The following PRPF40B variants were observed in gnomAD, a reference collection of about 807,000 sequenced individuals.
The protein encoded by PRPF40B is pre-mRNA processing factor 40B, also known as pre-mRNA-processing factor 40 homolog B.
PRPF40B carries 56 observed loss-of-function variants against 124.5 expected under a neutral mutation model. That is an observed-to-expected ratio of 0.45 (90% CI 0.36 to 0.56). The LOEUF is 0.56. PRPF40B is among the 20% of genes least tolerant of loss of function. The probability of loss-of-function intolerance (pLI) is 0.00; values close to 1 mark genes in which losing one functional copy is unlikely to be tolerated. For synonymous variants in PRPF40B, 443 were observed against 426.4 expected, an observed-to-expected ratio of 1.04 and a Z score of -0.48; for missense variants, 1,053 against 1,169.5, an observed-to-expected ratio of 0.90 and a Z score of 1.45.
rs1850481450 is a variant in PRPF40B, at chr12:49,642,907, C to T, written c.2119-23C>T. On this transcript the variant is annotated intron_variant, in intron 21 of 25. Transcript: ENST00000548825. This position sits in a 1 kb window ranked among gnomAD's most constrained non-coding sequence, Gnocchi z 5.8. ...GGGCTAAGTCTGGTGCTGTCCTCACCCTTCTTCCTCTGCCTCTAGCAGACT... is the reference window on the plus strand; with the variant it reads ...GGGCTAAGTCTGGTGCTGTCCTCACTCTTCTTCCTCTGCCTCTAGCAGACT... The T allele has an allele frequency of 6.2e-7, 1 of 1,605,630 alleles. No homozygotes were observed. Among genetic ancestry groups the T allele is most frequent in the South Asian group, 1.1e-5 (1 of 89,672 alleles).
Position 49,634,107 on chromosome 12 carries a change from C to T in PRPF40B, c.812+15C>T, listed in dbSNP as rs773065013. 1.9e-6 allele frequency: 3 copies of T among 1,607,564 alleles called. No individual in the cohort carries two copies. The highest frequency in any genetic ancestry group is 1.7e-6 in the Non-Finnish European group (2 of 1,176,916). On this transcript the variant is annotated intron_variant, in intron 10 of 25. Coordinates refer to ENST00000548825, the MANE Select transcript of PRPF40B (RefSeq NM_001031698.3). ...GGCCCCAGCAGGTGAGGGCTGCCCC[C>T]CATGGCATTCCCAATGTTGGCCTCA...
intron 18 of PRPF40B, chr12:49,639,211 T>G (rs912615126): frequency 2.0e-5 from 3 of 152,222 alleles, no homozygotes; most frequent in African/African-American, 7.2e-5. Flanking sequence ...TACGTACTTA[T>G]GTCCTTAGGG....
chr12:49,636,772 A>T lies in PRPF40B; in HGVS notation c.1483A>T (p.Arg495Trp). The change falls in exon 16 of 26, where the codon AGG (arginine) becomes TGG (tryptophan). Residue 495 changes from arginine to tryptophan, a missense_variant. This residue lies in a region of PRPF40B where 895 missense variants were observed against 1,052.2 expected (regional missense o/e 0.85). Transcript: ENST00000548825. ...TGAGGAGCACATCCGAGCTTTGGAG[A>T]GGGAAGAGGAGGAGGAACGGGAGCG... ...CFEEHIRALEREEEEERERAR... is the reference protein window; with the variant it reads ...CFEEHIRALEWEEEEERERAR... 6.2e-7 allele frequency: 1 copy of T among 1,614,194 alleles called. No homozygotes were observed. Among genetic ancestry groups the T allele is most frequent in the Non-Finnish European group, 8.5e-7 (1 of 1,180,028 alleles).
rs149054908 is a variant in PRPF40B, at chr12:49,631,920, G to A, written c.289G>A (p.Ala97Thr). ...GCTGATGCCAGCGGTGCCTGTCACC[G>A]CAGCGGTAAGCACTAGGGGCCAGCA... is the stretch of plus-strand genomic sequence containing the variant. ...GMLMPAVPVT[A>T]ATAPGADTAS... The change falls in exon 4 of 26, where the codon GCA becomes ACA. Residue 97 changes from alanine (A) to threonine (T), a missense_variant. Physicochemically the swap from Ala to Thr is moderately conservative, Grantham distance 58. Coordinates refer to ENST00000548825, the MANE Select transcript of PRPF40B (RefSeq NM_001031698.3). The surrounding 1 kb of genome is among the most constrained non-coding windows in gnomAD (Gnocchi z 4.3). The A allele has an allele frequency of 1.8e-5, 29 of 1,613,878 alleles. No homozygotes were observed. Among genetic ancestry groups the A allele is most frequent in the African/African-American group, 1.2e-4 (9 of 74,904 alleles).
chr12:49,637,166 A>G (rs1451158032), intron 16 of PRPF40B: 4 of 570,962 alleles, frequency 7.0e-6, no homozygotes, highest in South Asian at 6.6e-5. Flanking sequence ...TTATTCCCTC[A>G]GCTTGGGGGT....
chr12:49,633,853 C>T (rs1326872474), intron 9 of PRPF40B, 33 bp from the exon 10 acceptor site: 1 of 1,612,814 alleles, frequency 6.2e-7, no homozygotes, highest in East Asian at 2.2e-5. Flanking sequence ...TCTTGCTCTC[C>T]TCCTGGACAC....
chr12:49,635,120 G>A lies in PRPF40B; in HGVS notation c.1023G>A (p.Glu341=), dbSNP rs767341661. 6.8e-6 allele frequency: 11 copies of A among 1,613,400 alleles called. No homozygotes were observed. The highest frequency in any genetic ancestry group is 1.7e-5 in the Admixed American group (1 of 59,956). ...CCAGTGCCTTGCCTAAACTGAGTGA[G>A]AAAAAGCAGGCATTCAATGCCTACA... is the stretch of plus-strand genomic sequence containing the variant. ...PRYSALPKLS[E]KKQAFNAYKA... Residue 341 remains glutamate (E), a synonymous_variant, in exon 13 of 26, where the codon GAG becomes GAA. Transcript: ENST00000548825. This position sits in a 1 kb window ranked among gnomAD's most constrained non-coding sequence, Gnocchi z 4.1.
In PRPF40B at chr12:49,635,159, G is replaced by A. The variant is rs751705152; in HGVS notation, c.1062G>A (p.Glu354=). ...QAFNAYKAQR[E]KEEKEEARLR... ...TCAATGCCTACAAGGCGCAGCGGGA[G>A]AAGGAGGAGAAGGAGGAGGCCCGGC... Residue 354 remains glutamate (E), a synonymous_variant, in exon 13 of 26, where the codon GAG becomes GAA. Transcript: ENST00000548825. The surrounding 1 kb of genome is among the most constrained non-coding windows in gnomAD (Gnocchi z 4.1). The A allele has an allele frequency of 1.2e-6, 2 of 1,614,112 alleles. No individual in the cohort carries two copies. The highest frequency in any genetic ancestry group is 2.2e-5 in the South Asian group (2 of 91,086).
chr12:49,632,996 G>GGGGCC lies in PRPF40B; in HGVS notation c.349-18_349-17insGGGCC. On this transcript the variant is annotated splice_polypyrimidine_tract_variant and intron_variant, in intron 6 of 25. Coordinates refer to ENST00000548825, the MANE Select transcript of PRPF40B (RefSeq NM_001031698.3). Reference sequence around the variant, plus strand: ...AAAGGGGCCTTGACCACCATTCTGTGCCCCCCCCCCCACCCAGAGGGCCCT... The same window carrying GGGGCC: ...AAAGGGGCCTTGACCACCATTCTGTGGGGCCCCCCCCCCCCCACCCAGAGGGCCCT... 1 of 1,147,394 alleles carries GGGGCC rather than the reference G, an allele frequency of 8.7e-7. No homozygotes were observed. Among genetic ancestry groups the GGGGCC allele is most frequent in the Non-Finnish European group, 1.2e-6 (1 of 823,008 alleles). 71.1% of individuals were successfully genotyped at this position (1,147,394 alleles called of 1,614,324 possible).
chr12:49,631,287 G>C lies in PRPF40B; in HGVS notation c.85-114G>C, dbSNP rs1241828450. 2 of 731,842 alleles carry C rather than the reference G, an allele frequency of 2.7e-6. No individual in the cohort carries two copies. The highest frequency in any genetic ancestry group is 4.4e-6 in the Non-Finnish European group (2 of 459,762). 45.3% of individuals were successfully genotyped at this position (731,842 alleles called of 1,614,324 possible). A position where few individuals can be genotyped will look rare whatever the true frequency, so the allele number is the denominator to read the frequency against. ...AAACTAAAGCCTTGGAATTGCCTCA[G>C]AGCAGGGTGGAGGGTTGGGGAGGGA... On this transcript the variant is annotated intron_variant, in intron 2 of 25. Transcript: ENST00000548825. The surrounding 1 kb of genome is among the most constrained non-coding windows in gnomAD (Gnocchi z 4.3).
At chr12:49,634,896 C>A (rs1159516990) in intron 12 of PRPF40B, 2 of 650,220 alleles carry the variant, frequency 3.1e-6, no homozygotes, top group African/African-American at 3.7e-5. Flanking sequence ...GAAAAGGGCC[C>A]AGTATTTGCA....
intron 18 of PRPF40B, chr12:49,641,623 C>T: frequency 2.4e-6 from 1 of 408,624 alleles, no homozygotes; most frequent in Admixed American, 4.0e-5. Flanking sequence ...AGCTTTAAGC[C>T]AAAGGAACAA....
chr12:49,644,272 T>C lies in PRPF40B; in HGVS notation c.*80T>C. On this transcript the variant is annotated 3_prime_UTR_variant, in exon 26 of 26. Coordinates refer to ENST00000548825, the MANE Select transcript of PRPF40B (RefSeq NM_001031698.3). ...CCCTCACCGTCTGCCTCAGACTTCT[T>C]CCTTAGTCTGGTCTGTGTCCACTTT... is the stretch of plus-strand genomic sequence containing the variant. 6.7e-7 allele frequency: 1 copy of C among 1,488,840 alleles called. No individual in the cohort carries two copies. The allele number at this position is 1,488,840 out of a possible 1,614,324, so 92.2% of individuals were successfully genotyped here.
intron 4 of PRPF40B, chr12:49,632,126 T>A (rs765155674): frequency 9.6e-5 from 61 of 633,078 alleles, no homozygotes; most frequent in Non-Finnish European, 1.4e-4. Flanking sequence ...CAAAGGCATA[T>A]ACATTCTCTT....
At chr12:49,623,492 C>A (rs1004212090), upstream of PRPF40B, 25 of 1,204,718 alleles carry the variant, frequency 2.1e-5, no homozygotes, top group Middle Eastern at 3.2e-4. Context: ...AGGGGTGCGA[C>A]CCCCCGCCGG....
At position 49,635,337 on chromosome 12, in the gene PRPF40B, A is replaced by T; in HGVS notation, c.1167-28A>T. The stretch of plus-strand genomic sequence containing the variant: ...GGTCCAGGGTCTCTGTTCTCTGTCT[A>T]CCTACTCACAGCTTATATGCTCCAC... On this transcript the variant is annotated intron_variant, in intron 13 of 25. Transcript: ENST00000548825. This position sits in a 1 kb window ranked among gnomAD's most constrained non-coding sequence, Gnocchi z 4.1. 6.2e-7 allele frequency: 1 copy of T among 1,610,058 alleles called. No homozygotes were observed. Among genetic ancestry groups the T allele is most frequent in the Non-Finnish European group, 8.5e-7 (1 of 1,178,166 alleles).
intron 18 of PRPF40B, chr12:49,641,209 C>T (rs59576871): frequency 6.6e-6 from 1 of 152,214 alleles, no homozygotes; most frequent in Admixed American, 6.5e-5. Flanking sequence ...GGCCTGTGGA[C>T]ATGTTTTTAG....
chr12:49,631,421 C>A lies in PRPF40B; in HGVS notation c.105C>A (p.Pro35=). 1 of 1,463,962 alleles carries A rather than the reference C, an allele frequency of 6.8e-7. No homozygotes were observed. Among genetic ancestry groups the A allele is most frequent in the Non-Finnish European group, 9.1e-7 (1 of 1,103,578 alleles). 90.7% of individuals were successfully genotyped at this position (1,463,962 alleles called of 1,614,324 possible). The change falls in exon 3 of 26, where the codon CCC becomes CCA. Residue 35 remains proline, a synonymous_variant. Transcript: ENST00000548825. The surrounding 1 kb of genome is among the most constrained non-coding windows in gnomAD (Gnocchi z 4.3). ...TCCAGATGCCCCCTCCAGGGATCCCCCCACCCTTTCCTCCGATGGGGCTAC... is the reference window on the plus strand; with the variant it reads ...TCCAGATGCCCCCTCCAGGGATCCCACCACCCTTTCCTCCGATGGGGCTAC... The part of the protein sequence containing the change: ...PPPFMPPPGI[P]PPFPPMGLPP...
Position 49,635,816 on chromosome 12 carries a change from C to A in PRPF40B, c.1276-27C>A. 6.2e-7 allele frequency: 1 copy of A among 1,612,320 alleles called. No individual in the cohort carries two copies. Among genetic ancestry groups the A allele is most frequent in the South Asian group, 1.1e-5 (1 of 91,012 alleles). On this transcript the variant is annotated intron_variant, in intron 14 of 25. Coordinates refer to ENST00000548825, the MANE Select transcript of PRPF40B (RefSeq NM_001031698.3). The surrounding 1 kb of genome is among the most constrained non-coding windows in gnomAD (Gnocchi z 4.1). ...ACTTGGGTAGCTCTGGCCTGCCCTG[C>A]CTCACCCTGATCCTGTGGCTCCCTA...
Sources: allele counts gnomAD v4.1 joint callset, GRCh38; gene constraint gnomAD v4.1.1; regional missense constraint gnomAD v4.1.1; non-coding constraint Gnocchi (gnomAD v3.1); transcripts MANE v1.5; gene names NCBI Gene and HGNC (gene_info 2026-07-23, HGNC 2026-07-21).